GALNTL6: variants seen among roughly 807,000 people sequenced by gnomAD.
GALNTL6 encodes polypeptide N-acetylgalactosaminyltransferase-like 6.
In GALNTL6, 46 loss-of-function variants were observed where a neutral mutation model predicts 73.7. The observed-to-expected ratio is 0.62, with a 90% CI of 0.49 to 0.80. The LOEUF is 0.80. Among genes scored for constraint, GALNTL6 ranks in the 30% least tolerant of loss-of-function variants. GALNTL6 has a pLI of 0.00. For synonymous variants in GALNTL6, 259 were observed against 263.7 expected, an observed-to-expected ratio of 0.98 and a Z score of 0.17; for missense variants, 604 against 755.0, an observed-to-expected ratio of 0.80 and a Z score of 2.34.
intron 5 of GALNTL6, among the ~76,000 whole-genome samples, chr4:172,696,622 G>A (rs1378164097): frequency 6.6e-6 from 1 of 152,118 alleles, no homozygotes; most frequent in African/African-American, 2.4e-5. Flanking sequence ...GTTTTATAAA[G>A]GGGAGTTCCC....
At chr4:172,746,787 C>A (rs1175956246) in intron 5 of GALNTL6, among the ~76,000 whole-genome samples, 2 of 152,016 alleles carry the variant, frequency 1.3e-5, no homozygotes, top group Non-Finnish European at 1.5e-5. Context: ...AGGTCAAAAA[C>A]AAGACAAGAA....
intron 5 of GALNTL6, among the ~76,000 whole-genome samples, chr4:172,543,620 A>T (rs1302685517): frequency 1.3e-5 from 2 of 152,238 alleles, no homozygotes; most frequent in African/African-American, 2.4e-5. Flanking sequence ...ACAAGTTTTC[A>T]AAAGTAAATG....
At chr4:172,357,668 C>T (rs917520614) in intron 5 of GALNTL6, among the ~76,000 whole-genome samples, 8 of 22,330 alleles carry the variant, frequency 3.6e-4, no homozygotes, top group African/African-American at 6.6e-4. Context: ...CACACACACA[C>T]GGAATTCATA....
intron 5 of GALNTL6, among the ~76,000 whole-genome samples, chr4:172,741,590 T>C (rs1408603861): frequency 6.6e-6 from 1 of 152,088 alleles, no homozygotes; most frequent in Non-Finnish European, 1.5e-5. Flanking sequence ...AATAGCTTAA[T>C]AACTATCCTA....
At chr4:172,608,469 A>G (rs997644799) in intron 5 of GALNTL6, among the ~76,000 whole-genome samples, 1 of 151,830 alleles carries the variant, frequency 6.6e-6, no homozygotes, top group African/African-American at 2.4e-5. Context: ...TGGGTTCTCT[A>G]TTCTGTTCCA....
intron 5 of GALNTL6, among the ~76,000 whole-genome samples, chr4:172,478,373 G>C (rs1454526231): frequency 6.6e-6 from 1 of 152,194 alleles, no homozygotes; most frequent in African/African-American, 2.4e-5. Flanking sequence ...CCTACAGCCA[G>C]CTGCTCTTTG....
At chr4:172,799,655 T>C (rs984353771) in intron 5 of GALNTL6, among the ~76,000 whole-genome samples, 1 of 152,214 alleles carries the variant, frequency 6.6e-6, no homozygotes, top group Non-Finnish European at 1.5e-5. Flanking sequence ...CACCCTTGTG[T>C]ACTGTTGCTG....
intron 5 of GALNTL6, among the ~76,000 whole-genome samples, chr4:172,409,273 G>T (rs1744348846): frequency 6.6e-6 from 1 of 151,940 alleles, no homozygotes; most frequent in African/African-American, 2.4e-5. Context: ...TATTATTGAT[G>T]CTACTAGTAA....
At chr4:171,826,338 T>C (rs888249668) in intron 2 of GALNTL6, among the ~76,000 whole-genome samples, 1 of 152,168 alleles carries the variant, frequency 6.6e-6, no homozygotes, top group African/African-American at 2.4e-5. Flanking sequence ...TTGCCTCCTG[T>C]TACTATGGAA....
At chr4:172,042,241 A>G (rs1742105889) in intron 2 of GALNTL6, among the ~76,000 whole-genome samples, 1 of 152,110 alleles carries the variant, frequency 6.6e-6, no homozygotes, top group South Asian at 2.1e-4. Flanking sequence ...CTACTAATTG[A>G]ATTTGTGATA....
intron 8 of GALNTL6, among the ~76,000 whole-genome samples, chr4:172,892,553 G>GCCAA (rs1333989180): frequency 2.0e-5 from 3 of 151,638 alleles, no homozygotes; most frequent in African/African-American, 7.3e-5. Context: ...TAGGCTCTTA[G>GCCAA]CCAAGCTCCT....
At chr4:172,319,218 G>C in intron 4 of GALNTL6, among the ~76,000 whole-genome samples, 1 of 152,176 alleles carries the variant, frequency 6.6e-6, no homozygotes, top group East Asian at 1.9e-4. Flanking sequence ...TTAAACTATT[G>C]TTAAAGTAAT....
intron 2 of GALNTL6, among the ~76,000 whole-genome samples, chr4:172,063,382 A>T (rs544913130): frequency 6.6e-6 from 1 of 152,186 alleles, no homozygotes; most frequent in Non-Finnish European, 1.5e-5. Flanking sequence ...TCATTTAAAG[A>T]TGTTTATATT....
chr4:172,332,655 A>G (rs1741173092), intron 4 of GALNTL6, among the ~76,000 whole-genome samples: 1 of 152,056 alleles, frequency 6.6e-6, no homozygotes, highest in African/African-American at 2.4e-5. Context: ...CTGGCTGAAA[A>G]ATATTTCATT....
At chr4:172,877,824 T>C (rs1276911483) in intron 7 of GALNTL6, among the ~76,000 whole-genome samples, 1 of 151,896 alleles carries the variant, frequency 6.6e-6, no homozygotes, top group Non-Finnish European at 1.5e-5. Flanking sequence ...GTAGCAAAAT[T>C]CAAAGCCTGA....
Position 171,843,653 on chromosome 4 carries a change from A to G in GALNTL6, c.138+28935A>G, listed in dbSNP as rs549890674. ...TAGGCTCTCCCCATATTGTGTGTGC[A>G]TGCATATGTATGTGTAATATATTTG... On this transcript the variant is annotated intron_variant, in intron 2 of 12. Coordinates refer to ENST00000506823, the MANE Select transcript of GALNTL6 (RefSeq NM_001034845.3). 1.1e-4 allele frequency among the ~76,000 whole-genome samples: 16 copies of G among 152,254 alleles called. No individual in the cohort carries two copies. The South Asian group carries it at 2.9e-3, about 28-fold the overall frequency.
intron 2 of GALNTL6, among the ~76,000 whole-genome samples, chr4:172,222,738 G>A (rs1736723793): frequency 6.6e-6 from 1 of 151,862 alleles, no homozygotes; most frequent in African/African-American, 2.4e-5. Context: ...AAATCATTTT[G>A]TGCTCTCAGG....
intron 2 of GALNTL6, among the ~76,000 whole-genome samples, chr4:172,205,650 G>A (rs1483198647): frequency 6.6e-6 from 1 of 152,182 alleles, no homozygotes; most frequent in Non-Finnish European, 1.5e-5. Context: ...ACTCTGAAGA[G>A]CATAGGCAGT....
chr4:172,499,216 T>C (rs1457944640), intron 5 of GALNTL6, among the ~76,000 whole-genome samples: 1 of 152,178 alleles, frequency 6.6e-6, no homozygotes, highest in African/African-American at 2.4e-5. Context: ...CCTATGGTGA[T>C]GATGGCAACT....
Sources: gnomAD v4.1 joint callset for allele counts (sites outside exome capture counted in the v4.1 genomes callset) on GRCh38, gnomAD v4.1.1 for gene constraint, MANE v1.5 for transcripts, NCBI Gene and HGNC (gene_info 2026-07-23, HGNC 2026-07-21) for gene names.